The following MAP3K19 variants were observed in gnomAD, a reference collection of about 807,000 sequenced individuals.
The protein encoded by MAP3K19 is SPS1/STE20-related protein kinase YSK4.
A neutral mutation model predicts 114.4 loss-of-function variants in MAP3K19; 91 were observed. That is an observed-to-expected ratio of 0.80 (90% CI 0.67 to 0.95). MAP3K19 has a LOEUF of 0.95. Among genes scored for constraint, MAP3K19 ranks in the 40% least tolerant of loss-of-function variants. The probability of loss-of-function intolerance (pLI) is 0.00; values close to 1 mark genes in which losing one functional copy is unlikely to be tolerated. For missense variants in MAP3K19, 1,471 were observed against 1,573.2 expected, an observed-to-expected ratio of 0.94 and a Z score of 1.10; for synonymous variants, 518 against 530.5, an observed-to-expected ratio of 0.98 and a Z score of 0.32.
chr2:134,971,245 C>G (rs763301258), intron 12 of MAP3K19, among the ~76,000 whole-genome samples: 6 of 152,110 alleles, frequency 3.9e-5, no homozygotes, highest in Non-Finnish European at 8.8e-5. Context: ...GTTAAACCAT[C>G]CTTGCATCAC....
intron 12 of MAP3K19, among the ~76,000 whole-genome samples, chr2:134,979,353 G>A (rs1004324434): frequency 2.6e-5 from 4 of 151,942 alleles, no homozygotes; most frequent in Non-Finnish European, 4.4e-5. Flanking sequence ...TTTTATTAGT[G>A]GTGTGAATTG....
rs1006925773 is a variant in MAP3K19 at position 135,040,480 on chromosome 2, C to T, written c.-401G>A. 2 of 152,588 alleles carry T rather than the reference C, an allele frequency of 1.3e-5. No homozygotes were observed. The highest frequency in any genetic ancestry group is 4.8e-5 in the African/African-American group (2 of 41,430). 9.5% of individuals were successfully genotyped at this position (152,588 alleles called of 1,614,324 possible). A position where few individuals can be genotyped will look rare whatever the true frequency, so the allele number is the denominator to read the frequency against. On this transcript the variant is annotated 5_prime_UTR_variant, in exon 2 of 13. It introduces an in-frame stop codon into an upstream open reading frame of the 5' UTR. Transcript: ENST00000392915. ...CGGTAATATAGTCACAGATGAGTTCCACATCACCTCTTGAAACCACTTCTA... is the reference window on the plus strand; with the variant it reads ...CGGTAATATAGTCACAGATGAGTTCTACATCACCTCTTGAAACCACTTCTA...
intron 1 of MAP3K19, among the ~76,000 whole-genome samples, chr2:135,045,418 A>G (rs1688723337): frequency 6.6e-6 from 1 of 152,226 alleles, no homozygotes; most frequent in South Asian, 2.1e-4. Context: ...TTAGATTTAC[A>G]TACTTGTTTT....
intron 1 of MAP3K19, among the ~76,000 whole-genome samples, chr2:135,042,850 G>A (rs1385245363): frequency 6.6e-6 from 1 of 152,178 alleles, no homozygotes; most frequent in East Asian, 1.9e-4. Context: ...GGGAGGCCGA[G>A]GGGAGGGGAT....
chr2:134,985,741 C>T lies in MAP3K19; in HGVS notation c.3072+59G>A, dbSNP rs1324449563. The T allele has an allele frequency of 3.5e-6, 5 of 1,415,574 alleles. No individual in the cohort carries two copies. The East Asian group carries it at 9.2e-5, about 26-fold the overall frequency. The allele number at this position is 1,415,574 out of a possible 1,614,324, so 87.7% of individuals were successfully genotyped here. A position where few individuals can be genotyped will look rare whatever the true frequency, so the allele number is the denominator to read the frequency against. ...CTCATTTGAAAATAAGGGGTTTGAA[C>T]CAGATTGTCTCTGAGGTCCTTCCCA... On this transcript the variant is annotated intron_variant, in intron 10 of 12. Coordinates refer to ENST00000392915, the MANE Select transcript of MAP3K19 (RefSeq NM_025052.5).
At chr2:135,021,670 A>G (rs912400284) in intron 5 of MAP3K19, 45 bp downstream of exon 5, 1 of 1,028,910 alleles carries the variant, frequency 9.7e-7, no homozygotes, top group Non-Finnish European at 1.5e-6. Flanking sequence ...ATAAAGTAGT[A>G]GATGGAGTAG....
At chr2:135,002,881 C>A (rs1686545938) in intron 6 of MAP3K19, among the ~76,000 whole-genome samples, 1 of 152,128 alleles carries the variant, frequency 6.6e-6, no homozygotes, top group African/African-American at 2.4e-5. Flanking sequence ...CAACCTGGGG[C>A]CTTCCTGTTA....
chr2:134,989,882 GACC>G (rs557859732), intron 9 of MAP3K19, among the ~76,000 whole-genome samples: 1 of 152,230 alleles, frequency 6.6e-6, no homozygotes, highest in Non-Finnish European at 1.5e-5. Flanking sequence ...AGGAGTTCAA[GACC>G]CACCTGACCA....
chr2:135,043,668 G>C (rs950769547), intron 1 of MAP3K19, among the ~76,000 whole-genome samples: 4 of 152,112 alleles, frequency 2.6e-5, no homozygotes, highest in Non-Finnish European at 5.9e-5. Flanking sequence ...CATTCTATGG[G>C]TTAGGACAAA....
intron 5 of MAP3K19, among the ~76,000 whole-genome samples, chr2:135,012,051 G>A (rs1687270901): frequency 6.6e-6 from 1 of 152,096 alleles, no homozygotes; most frequent in Admixed American, 6.5e-5. Flanking sequence ...TTAAAGATTT[G>A]TCTCTAGGTA....
In MAP3K19 at chr2:134,988,020, A is replaced by G. The variant is rs1478997338; in HGVS notation, c.852T>C (p.Ile284=). 1.9e-6 allele frequency: 3 copies of G among 1,614,082 alleles called. No individual in the cohort carries two copies. Residue 284 remains isoleucine (I), a synonymous_variant, in exon 10 of 13, where the codon ATT becomes ATC. Transcript: ENST00000392915. ...GAAAAGAGCACATGTTTCTTGACCA[A>G]ATGAAGCCATCAGAAGACCTGAGAG... The part of the protein sequence containing the change: ...DPTLRSSDGF[I]WSRNMCSFPK...
chr2:134,981,880 CTTTTTTTTT>C (rs567597251), intron 11 of MAP3K19, among the ~76,000 whole-genome samples: 2 of 124,504 alleles, frequency 1.6e-5, no homozygotes, highest in African/African-American at 3.0e-5. Context: ...GATTTCTTTT[CTTTTTTTTT>C]TTTTTTTTTT....
At chr2:134,985,197 C>T (rs1427755185) in intron 10 of MAP3K19, among the ~76,000 whole-genome samples, 1 of 152,220 alleles carries the variant, frequency 6.6e-6, no homozygotes, top group Non-Finnish European at 1.5e-5. Flanking sequence ...AGGATTTTTG[C>T]TTACACTTCC....
chr2:135,011,219 G>GA (rs962355936), intron 5 of MAP3K19, among the ~76,000 whole-genome samples: 122 of 152,190 alleles, frequency 8.0e-4, no homozygotes, highest in African/African-American at 2.6e-3. Flanking sequence ...GCTACAATAA[G>GA]AAAAAACACC....
chr2:135,010,570 C>T (rs557674718), intron 5 of MAP3K19, among the ~76,000 whole-genome samples: 48 of 152,266 alleles, frequency 3.2e-4, no homozygotes, highest in African/African-American at 1.0e-3. Flanking sequence ...CAGACAACAG[C>T]ATACCAAACA....
At chr2:135,005,613 G>A (rs2105315055) in intron 5 of MAP3K19, 82 bp from the exon 6 acceptor site, 3 of 1,034,506 alleles carry the variant, frequency 2.9e-6, no homozygotes, top group Non-Finnish European at 4.5e-6. Context: ...TGATTTTTCT[G>A]GGCTAAAGAT....
intron 8 of MAP3K19, among the ~76,000 whole-genome samples, chr2:134,996,729 T>C (rs1686018137): frequency 6.6e-6 from 1 of 152,156 alleles, no homozygotes; most frequent in Admixed American, 6.5e-5. Context: ...AGTGGCAAGA[T>C]ATGAGGCTGA....
chr2:134,967,801 G>A (rs913970365), intron 12 of MAP3K19, among the ~76,000 whole-genome samples: 11 of 151,946 alleles, frequency 7.2e-5, no homozygotes, highest in Middle Eastern at 3.4e-3. Flanking sequence ...GCTGAGCGCC[G>A]GTCCCCTAGG....
At chr2:135,026,871 C>A (rs900847796) in intron 3 of MAP3K19, among the ~76,000 whole-genome samples, 6 of 152,046 alleles carry the variant, frequency 3.9e-5, no homozygotes, top group Non-Finnish European at 8.8e-5. Context: ...AAACAAAGAG[C>A]CAGATATCAT....
Sources: gnomAD v4.1 joint callset for allele counts (sites outside exome capture counted in the v4.1 genomes callset) on GRCh38, gnomAD v4.1.1 for gene constraint, MANE v1.5 for transcripts, NCBI Gene and HGNC (gene_info 2026-07-23, HGNC 2026-07-21) for gene names.